AFAP1: variants seen among roughly 807,000 people sequenced by gnomAD.
The protein encoded by AFAP1 is actin filament-associated protein 1.
In AFAP1, 75 loss-of-function variants were observed where a neutral mutation model predicts 93.9. The ratio of observed to expected loss-of-function variants is 0.80; its 90% CI spans 0.66 to 0.97. The LOEUF (loss-of-function observed/expected upper bound fraction) is 0.97, where lower values mean the gene tolerates loss of function less well. Among genes scored for constraint, AFAP1 ranks in the 50% least tolerant of loss-of-function variants. The pLI, the probability that AFAP1 is intolerant of heterozygous loss-of-function variation, is 0.00. For synonymous variants in AFAP1, 517 were observed against 430.7 expected (o/e 1.20, Z -2.48); for missense variants, 1,201 against 1,050.8 (o/e 1.14, Z -1.98).
intron 5 of AFAP1, among the ~76,000 whole-genome samples, chr4:7,840,571 C>T (rs1043129277): frequency 1.3e-5 from 2 of 152,194 alleles, no homozygotes; most frequent in Non-Finnish European, 2.9e-5. Flanking sequence ...CTCAGCCTCC[C>T]AAAGTGCTGG....
chr4:7,843,393 C>G, intron 4 of AFAP1, 43 bp from the exon 5 acceptor site: 2 of 1,546,060 alleles, frequency 1.3e-6, no homozygotes, highest in Non-Finnish European at 1.8e-6. Flanking sequence ...ACTTCTTTAC[C>G]TTGAAGTTTA....
Position 7,898,808 on chromosome 4 carries a change from A to AGAGTGTGTGT in AFAP1, c.-2-26729_-2-26728insACACACACTC, listed in dbSNP as rs376959896. On this transcript the variant is annotated intron_variant, in intron 1 of 17. Transcript: ENST00000420658. Reference sequence around the variant, plus strand: ...TTGTCTTTCTGTGCTGGGCAGTAGAAGTGTGTGTGTGTGTGTGTGTGTGTG... The same window carrying AGAGTGTGTGT: ...TTGTCTTTCTGTGCTGGGCAGTAGAAGAGTGTGTGTGTGTGTGTGTGTGTGTGTGTGTGTG... 8.4e-3 allele frequency among the ~76,000 whole-genome samples: 1,153 copies of AGAGTGTGTGT among 137,022 alleles called. 21 individuals carry two copies. Among genetic ancestry groups the AGAGTGTGTGT allele is most frequent in the African/African-American group, 0.027 (980 of 36,792 alleles). The allele number at this position is 137,022 out of a possible 152,430, so 89.9% of individuals were successfully genotyped here.
At chr4:7,886,747 G>C (rs1235272398) in intron 1 of AFAP1, among the ~76,000 whole-genome samples, 1 of 152,192 alleles carries the variant, frequency 6.6e-6, no homozygotes, top group Non-Finnish European at 1.5e-5. Flanking sequence ...ATAATATACA[G>C]AACGTGATAA....
chr4:7,833,972 G>A (rs985450006), intron 6 of AFAP1, among the ~76,000 whole-genome samples: 3 of 151,800 alleles, frequency 2.0e-5, no homozygotes, highest in Admixed American at 1.3e-4. Context: ...AGGAAAAGAA[G>A]GCATTATAAA....
At chr4:7,882,193 G>T (rs1440747340) in intron 1 of AFAP1, among the ~76,000 whole-genome samples, 1 of 151,006 alleles carries the variant, frequency 6.6e-6, no homozygotes, top group Admixed American at 6.6e-5. Context: ...AGATACGCTT[G>T]AAACTAGGTT....
intron 10 of AFAP1, among the ~76,000 whole-genome samples, chr4:7,800,021 G>C (rs1718870206): frequency 6.6e-6 from 1 of 152,170 alleles, no homozygotes; most frequent in African/African-American, 2.4e-5. Flanking sequence ...CATTCCAAAG[G>C]AAACATTTAC....
chr4:7,850,585 G>A (rs1406540830), intron 4 of AFAP1, among the ~76,000 whole-genome samples: 1 of 152,234 alleles, frequency 6.6e-6, no homozygotes, highest in African/African-American at 2.4e-5. Flanking sequence ...GCATGGTCTG[G>A]CTACAGGAGA....
At chr4:7,800,394 C>T (rs1268617426) in intron 10 of AFAP1, 48 bp downstream of exon 10, 1 of 1,588,386 alleles carries the variant, frequency 6.3e-7, no homozygotes, top group Non-Finnish European at 8.6e-7. Flanking sequence ...AAAGGAAGAT[C>T]ACCGCGTGTG....
intron 6 of AFAP1, among the ~76,000 whole-genome samples, chr4:7,826,601 A>G (rs1721442501): frequency 1.3e-5 from 2 of 152,398 alleles, no homozygotes; most frequent in East Asian, 3.9e-4. Context: ...GTAGCACACA[A>G]AAGAGATCTT....
intron 3 of AFAP1, among the ~76,000 whole-genome samples, chr4:7,858,973 T>A (rs2149150998): frequency 6.6e-6 from 1 of 152,266 alleles, no homozygotes; most frequent in African/African-American, 2.4e-5. Context: ...CCCTCAAATG[T>A]ACCACTGAAT....
At chr4:7,775,399 A>C (rs1431618595) in intron 14 of AFAP1, 1 of 152,946 alleles carries the variant, frequency 6.5e-6, no homozygotes, top group Admixed American at 6.5e-5. Flanking sequence ...ATTAATCTGC[A>C]ACAAGGTGGA....
At chr4:7,817,635 TG>T (rs11378620) in intron 7 of AFAP1, among the ~76,000 whole-genome samples, 5 of 151,162 alleles carry the variant, frequency 3.3e-5, no homozygotes, top group South Asian at 2.1e-4. Flanking sequence ...AAACAACTAA[TG>T]GGGGGGGCAG....
intron 1 of AFAP1, among the ~76,000 whole-genome samples, chr4:7,935,775 G>C (rs1378403980): frequency 6.6e-6 from 1 of 152,144 alleles, no homozygotes; most frequent in Non-Finnish European, 1.5e-5. Flanking sequence ...CCCTGTTTGG[G>C]ACCCCGGCCA....
intron 4 of AFAP1, among the ~76,000 whole-genome samples, 160 bp downstream of exon 4, chr4:7,855,306 A>G (rs1208508085): frequency 1.3e-5 from 2 of 152,200 alleles, no homozygotes; most frequent in African/African-American, 4.8e-5. Context: ...TGTCCTTCTC[A>G]AAACCTTTCC....
At position 7,855,551 on chromosome 4, in the gene AFAP1, T is replaced by C; in HGVS notation, c.249A>G (p.Pro83=). ...CTTCTGGGAGGGAGGATGTTGGCAA[T>C]GGTGGAGGCCCACTGTCAGGAGGCT... ...PWLPPDSGPP[P]LPTSSLPEGY... is the part of the protein sequence containing the mutation. Residue 83 remains proline, a synonymous_variant, in exon 4 of 18, where the codon CCA becomes CCG. Coordinates refer to ENST00000420658, the MANE Select transcript of AFAP1 (RefSeq NM_001134647.2). 1 of 1,613,920 alleles carries C rather than the reference T, an allele frequency of 6.2e-7. No homozygotes were observed. Among genetic ancestry groups the C allele is most frequent in the Non-Finnish European group, 8.5e-7 (1 of 1,179,894 alleles).
Position 7,872,032 on chromosome 4 carries a change from T to C in AFAP1, c.47A>G (p.Asp16Gly). ...VELRLFLELL[D>G]HEYLTSTVRE... ...GACAGTTGAGGTTAGATATTCATGG[T>C]CCAGGAGTTCAAGAAAGAGACGAAG... is the stretch of plus-strand genomic sequence containing the variant. The change falls in exon 2 of 18, where the codon GAC becomes GGC. Residue 16 changes from aspartate to glycine, a missense_variant. Transcript: ENST00000420658. 6.2e-7 allele frequency: 1 copy of C among 1,614,118 alleles called. No homozygotes were observed. The highest frequency in any genetic ancestry group is 1.1e-5 in the South Asian group (1 of 91,074).
intron 1 of AFAP1, among the ~76,000 whole-genome samples, chr4:7,881,660 G>T (rs35920302): frequency 6.6e-6 from 1 of 152,100 alleles, no homozygotes; most frequent in Non-Finnish European, 1.5e-5. Flanking sequence ...GCACACGCCT[G>T]TAGTCCCAGC....
chr4:7,801,914 CAAAAAAA>C (rs531684652), intron 9 of AFAP1, among the ~76,000 whole-genome samples: 197 of 65,204 alleles, frequency 3.0e-3, no homozygotes, highest in African/African-American at 0.011. Flanking sequence ...GACCCTATCA[CAAAAAAA>C]AAAAAAAAAA....
At chr4:7,845,066 T>C (rs992571423) in intron 4 of AFAP1, among the ~76,000 whole-genome samples, 1 of 152,194 alleles carries the variant, frequency 6.6e-6, no homozygotes, top group Admixed American at 6.5e-5. Context: ...CTTGCAAAGA[T>C]TCAATACTAG....
Sources: gnomAD v4.1 joint callset for allele counts (sites outside exome capture counted in the v4.1 genomes callset) on GRCh38, gnomAD v4.1.1 for gene constraint, MANE v1.5 for transcripts, NCBI Gene and HGNC (gene_info 2026-07-23, HGNC 2026-07-21) for gene names.